Variants in ASXL3 observed in about 807,000 individuals in gnomAD.
The protein encoded by ASXL3 is ASXL transcriptional regulator 3, also known as putative Polycomb group protein ASXL3.
In ASXL3, 34 loss-of-function variants were observed where a neutral mutation model predicts 170.6. The observed-to-expected ratio is 0.20, with a 90% confidence interval of 0.15 to 0.27. The LOEUF (loss-of-function observed/expected upper bound fraction) is 0.27. Among genes scored for constraint, ASXL3 ranks in the 10% least tolerant of loss-of-function variants. The pLI is 1.00. For synonymous variants in ASXL3, 1,002 were observed against 989.1 expected (o/e 1.01, Z -0.24); for missense variants, 2,592 against 2,695.3 (o/e 0.96, Z 0.85).
chr18:33,746,332 A>C lies in ASXL3; in HGVS notation c.6484A>C (p.Thr2162Pro). The C allele has an allele frequency of 6.2e-7, 1 of 1,614,020 alleles. No homozygotes were observed. The highest frequency in any genetic ancestry group is 8.5e-7 in the Non-Finnish European group (1 of 1,179,894). Residue 2162 changes from threonine (T) to proline (P), a missense_variant, in exon 12 of 12, where the codon ACG becomes CCG. Thr to Pro is a conservative substitution (Grantham distance 38, BLOSUM62 -1). Transcript: ENST00000269197. The part of the protein sequence containing the change: ...GNYPTIHFGS[T>P]SFKRAASAIE... ...TTATCCAACAATACACTTTGGTAGCACGAGTTTCAAAAGGGCAGCATCTGC... is the reference window on the plus strand; with the variant it reads ...TTATCCAACAATACACTTTGGTAGCCCGAGTTTCAAAAGGGCAGCATCTGC...
chr18:33,703,803 G>A (rs1292177992), intron 8 of ASXL3, among the ~76,000 whole-genome samples: 1 of 152,102 alleles, frequency 6.6e-6, no homozygotes, highest in Non-Finnish European at 1.5e-5. Flanking sequence ...AGATTTAGCA[G>A]AATTTTTGAA....
At chr18:33,653,035 T>G (rs2066027557) in intron 4 of ASXL3, among the ~76,000 whole-genome samples, 1 of 151,880 alleles carries the variant, frequency 6.6e-6, no homozygotes, top group Non-Finnish European at 1.5e-5. Flanking sequence ...AAAATGAGGG[T>G]GACTGTGGAG....
chr18:33,740,346 G>A lies in ASXL3; in HGVS notation c.2942G>A (p.Arg981Lys). 1 of 1,611,096 alleles carries A rather than the reference G, an allele frequency of 6.2e-7. No individual in the cohort carries two copies. The highest frequency in any genetic ancestry group is 8.5e-7 in the Non-Finnish European group (1 of 1,178,460). ...SFGICKEKRARIEDDQSTRNI... is the reference protein window; with the variant it reads ...SFGICKEKRAKIEDDQSTRNI... ...GGAATCTGTAAGGAAAAGAGAGCTA[G>A]GATAGAAGATGATCAGTCAACCCGG... is the stretch of plus-strand genomic sequence containing the variant. Residue 981 changes from arginine to lysine, a missense_variant, in exon 11 of 12, where the codon AGG becomes AAG. Arg to Lys is a conservative substitution (Grantham distance 26, BLOSUM62 2). Coordinates refer to ENST00000269197, the MANE Select transcript of ASXL3 (RefSeq NM_030632.3).
chr18:33,690,453 T>G (rs933085937), intron 8 of ASXL3: 1 of 152,212 alleles, frequency 6.6e-6, no homozygotes, highest in Non-Finnish European at 1.5e-5. Context: ...CCTTAACTTC[T>G]CTGTCTTGGA....
intron 2 of ASXL3, among the ~76,000 whole-genome samples, chr18:33,635,087 C>T (rs775666177): frequency 2.6e-5 from 4 of 152,130 alleles, no homozygotes; most frequent in Admixed American, 6.6e-5. Flanking sequence ...AAGAGAGAAA[C>T]ATGCTGAGAG....
chr18:33,601,476 C>T (rs1320905954), intron 1 of ASXL3, among the ~76,000 whole-genome samples: 1 of 151,728 alleles, frequency 6.6e-6, no homozygotes, highest in African/African-American at 2.4e-5. Flanking sequence ...AGTAGGGATT[C>T]CTGGTTCATC....
chr18:33,728,620 C>G (rs1048771003), intron 8 of ASXL3, among the ~76,000 whole-genome samples: 4 of 152,090 alleles, frequency 2.6e-5, no homozygotes, highest in African/African-American at 7.2e-5. Flanking sequence ...TTTCATCCAC[C>G]CCCATCTCCC....
At chr18:33,686,618 C>T (rs1339894739) in intron 8 of ASXL3, among the ~76,000 whole-genome samples, 1 of 152,078 alleles carries the variant, frequency 6.6e-6, no homozygotes, top group Non-Finnish European at 1.5e-5. Context: ...TTATATGTTC[C>T]AGAAGACTTA....
intron 8 of ASXL3, among the ~76,000 whole-genome samples, 192 bp from the exon 9 acceptor site, chr18:33,731,776 G>A (rs980125971): frequency 1.4e-4 from 21 of 151,752 alleles, no homozygotes; most frequent in South Asian, 6.3e-4. Flanking sequence ...TTTCCTCTCC[G>A]CCTCCTACCC....
chr18:33,705,649 C>G (rs779928125), intron 8 of ASXL3, among the ~76,000 whole-genome samples: 1 of 151,818 alleles, frequency 6.6e-6, no homozygotes, highest in East Asian at 1.9e-4. Context: ...TCCTCAACTA[C>G]TGTATTTATC....
chr18:33,582,706 C>CTGTGTGTGTGTGTG (rs34434614), intron 1 of ASXL3, among the ~76,000 whole-genome samples: 1 of 136,030 alleles, frequency 7.4e-6, no homozygotes, highest in South Asian at 2.3e-4. Context: ...TGGTTTTTTT[C>CTGTGTGTGTGTGTG]TGTGTGTGTG....
At chr18:33,598,806 G>A (rs1032562225) in intron 1 of ASXL3, among the ~76,000 whole-genome samples, 3 of 152,136 alleles carry the variant, frequency 2.0e-5, no homozygotes, top group African/African-American at 4.8e-5. Flanking sequence ...TAACCATGGG[G>A]ATAATCATGG....
rs767592653 is a variant in ASXL3, at chr18:33,746,005, G to A, written c.6157G>A (p.Asp2053Asn). 2 of 1,597,098 alleles carry A rather than the reference G, an allele frequency of 1.3e-6. No homozygotes were observed. The highest frequency in any genetic ancestry group is 1.7e-5 in the Admixed American group (1 of 58,052). The change falls in exon 12 of 12, where the codon GAT becomes AAT. Residue 2053 changes from aspartate (D) to asparagine (N), a missense_variant. Transcript: ENST00000269197. ...TCTCCCTAATGCAGAAGTCCCATCT[G>A]ATCAAAAACAACCTCCAGTTACCAT... ...PPLPNAEVPSDQKQPPVTMET... is the reference protein window; with the variant it reads ...PPLPNAEVPSNQKQPPVTMET...
intron 8 of ASXL3, among the ~76,000 whole-genome samples, chr18:33,704,403 G>T (rs12956053): frequency 0.54 from 82,330 of 151,818 alleles, 22,786 homozygotes; most frequent in East Asian, 0.86. Flanking sequence ...AAAGTACTGT[G>T]TCCTCAAAGA....
chr18:33,720,108 A>G (rs1000531570), intron 8 of ASXL3, among the ~76,000 whole-genome samples: 1 of 152,036 alleles, frequency 6.6e-6, no homozygotes, highest in Non-Finnish European at 1.5e-5. Flanking sequence ...AATTAAAGAT[A>G]TGTTAGATAC....
chr18:33,609,355 T>A (rs1568276373), intron 2 of ASXL3, among the ~76,000 whole-genome samples: 1 of 151,992 alleles, frequency 6.6e-6, no homozygotes, highest in Non-Finnish European at 1.5e-5. Context: ...AAGCACCTCC[T>A]AAAAGCAGAC....
At chr18:33,652,683 T>G (rs1221435483) in intron 4 of ASXL3, among the ~76,000 whole-genome samples, 2 of 151,722 alleles carry the variant, frequency 1.3e-5, no homozygotes, top group Non-Finnish European at 2.9e-5. Context: ...TTTGAAGAAT[T>G]TTATGAAGTC....
chr18:33,612,784 A>G (rs899423767), intron 2 of ASXL3, among the ~76,000 whole-genome samples: 2 of 152,132 alleles, frequency 1.3e-5, no homozygotes, highest in Non-Finnish European at 1.5e-5. Flanking sequence ...TGCCGCTGCA[A>G]TGTTTTGCCT....
chr18:33,597,222 A>G (rs1385591611), intron 1 of ASXL3, among the ~76,000 whole-genome samples: 2 of 152,068 alleles, frequency 1.3e-5, no homozygotes, highest in Non-Finnish European at 2.9e-5. Flanking sequence ...ACAATTATTA[A>G]CGCTAATATT....
Sources: allele counts gnomAD v4.1 joint callset (sites outside exome capture counted in the v4.1 genomes callset), GRCh38; gene constraint gnomAD v4.1.1; transcripts MANE v1.5; gene names NCBI Gene and HGNC (gene_info 2026-07-23, HGNC 2026-07-21).